Variants in TTN observed in about 807,000 individuals in gnomAD.
TTN encodes the protein titin.
A neutral mutation model predicts 3,223.0 loss-of-function variants in TTN; 1,525 were observed. That is an observed-to-expected ratio of 0.47 (90% confidence interval 0.45 to 0.49). TTN has a LOEUF of 0.49. Ranked by LOEUF, TTN falls within the 20% of genes least tolerant of loss-of-function variation. The pLI, the probability that TTN is intolerant of heterozygous loss-of-function variation, is 0.00. For synonymous variants in TTN, 14,094 were observed against 15,161.0 expected (o/e 0.93, Z 5.17); for missense variants, 40,786 against 43,424.0 (o/e 0.94, Z 5.40).
rs1691356141 is a variant in TTN, at chr2:178,536,026, T to C, written c.100721A>G (p.Asn33574Ser). 1.3e-6 allele frequency: 2 copies of C among 1,573,196 alleles called. No homozygotes were observed. Among genetic ancestry groups the C allele is most frequent in the East Asian group, 2.2e-5 (1 of 44,500 alleles). Reference protein sequence around the residue: ...DATVYQVRATNQGGSVSGTAS... With the variant: ...DATVYQVRATSQGGSVSGTAS... The stretch of plus-strand genomic sequence containing the variant: ...AGTGCCAGACACAGATCCCCCTTGG[T>C]TGGTAGCTCTGACTTGGTAAACTGT... The change falls in exon 357 of 363, where the codon AAC becomes AGC. Residue 33574 changes from asparagine (N) to serine (S), a missense_variant. Physicochemically the swap from Asn to Ser is conservative, Grantham distance 46. Transcript: ENST00000589042.
chr2:178,541,477 A>G lies in TTN; in HGVS notation c.97600T>C (p.Tyr32534His). Residue 32534 changes from tyrosine (Y) to histidine (H), a missense_variant, in exon 350 of 363, where the codon TAT becomes CAT. By Grantham distance (83) the Tyr-to-His change is moderately conservative. Transcript: ENST00000589042. Reference sequence around the variant, plus strand: ...CTCACTTCTTTGCGCTCCACAATATATCCAGTCACTTGGGAGCCACCGTCA... The same window carrying G: ...CTCACTTCTTTGCGCTCCACAATATGTCCAGTCACTTGGGAGCCACCGTCA... ...EDDGGSQVTGYIVERKEVRAD... is the reference protein window; with the variant it reads ...EDDGGSQVTGHIVERKEVRAD... 2 of 1,613,426 alleles carry G rather than the reference A, an allele frequency of 1.2e-6. No homozygotes were observed. The highest frequency in any genetic ancestry group is 8.5e-7 in the Non-Finnish European group (1 of 1,179,590).
In TTN at chr2:178,607,837, T is replaced by C. The variant is rs774191524; in HGVS notation, c.52950A>G (p.Ala17650=). ...YKLRVSAVNA[A]GEGPPGETQP... is the part of the protein sequence containing the mutation. ...GTGTTTCTCCAGGCGGTCCTTCCCC[T>C]GCGGCATTGACAGCACTCACCCGAA... Residue 17650 remains alanine (A), a synonymous_variant, in exon 276 of 363, where the codon GCA becomes GCG. Coordinates refer to ENST00000589042, the MANE Select transcript of TTN (RefSeq NM_001267550.2). 3 of 1,613,056 alleles carry C rather than the reference T, an allele frequency of 1.9e-6. No homozygotes were observed. Among genetic ancestry groups the C allele is most frequent in the Admixed American group, 3.3e-5 (2 of 59,968 alleles).
At chr2:178,720,332 G>T in intron 80 of TTN, 53 bp downstream of exon 80, 1 of 1,591,792 alleles carries the variant, frequency 6.3e-7, no homozygotes, top group Non-Finnish European at 8.6e-7. Context: ...TATTAGTTAG[G>T]CAAGAACAGA....
intron 283 of TTN, 61 bp from the exon 284 acceptor site, chr2:178,602,211 A>C: frequency 6.3e-7 from 1 of 1,596,098 alleles, no homozygotes; most frequent in Non-Finnish European, 8.5e-7. Context: ...TAATTGAAAT[A>C]TCTTCAGTAA....
In TTN at chr2:178,543,131, T is replaced by C. The variant is rs1304722341; in HGVS notation, c.96842A>G (p.Asn32281Ser). ...EQYLFRIRAQ[N>S]EKGVSEPRET... The stretch of plus-strand genomic sequence containing the variant: ...TCTTGGTTCTGACACACCTTTCTCA[T>C]TTTGTGCCCTTATTCTAAATAAGTA... The change falls in exon 347 of 363, where the codon AAT becomes AGT. Residue 32281 changes from asparagine to serine, a missense_variant. Physicochemically the swap from Asn to Ser is conservative, Grantham distance 46. Transcript: ENST00000589042. 6.2e-7 allele frequency: 1 copy of C among 1,611,850 alleles called. No individual in the cohort carries two copies. Among genetic ancestry groups the C allele is most frequent in the South Asian group, 1.1e-5 (1 of 91,022 alleles).
In TTN at chr2:178,543,972, G is replaced by A. The variant is rs201463708; in HGVS notation, c.96172C>T (p.Arg32058Trp). The A allele has an allele frequency of 2.2e-5, 36 of 1,613,456 alleles. No individual in the cohort carries two copies. Among genetic ancestry groups the A allele is most frequent in the African/African-American group, 1.5e-4 (11 of 74,820 alleles). ...WSKQGIDLAS[R>W]AIIDTTESYS... Reference sequence around the variant, plus strand: ...CTCTCAGTGGTGTCAATAATTGCCCGGCTTGCAAGGTCAATGCCCTGCTTG... The same window carrying A: ...CTCTCAGTGGTGTCAATAATTGCCCAGCTTGCAAGGTCAATGCCCTGCTTG... The change falls in exon 346 of 363, where the codon CGG becomes TGG. Residue 32058 changes from arginine (R) to tryptophan (W), a missense_variant. Physicochemically the swap from Arg to Trp is moderately radical, Grantham distance 101. Coordinates refer to ENST00000589042, the MANE Select transcript of TTN (RefSeq NM_001267550.2).
chr2:178,652,013 G>A, intron 204 of TTN, 46 bp from the exon 205 acceptor site: 1 of 1,611,038 alleles, frequency 6.2e-7, no homozygotes, highest in Non-Finnish European at 8.5e-7. Flanking sequence ...GACTAAAACT[G>A]AGATAGTTTG....
At chr2:178,788,476 T>A (rs1342480469) in intron 13 of TTN, among the ~76,000 whole-genome samples, 1 of 152,084 alleles carries the variant, frequency 6.6e-6, no homozygotes, top group African/African-American at 2.4e-5. Context: ...AATGTTAGAT[T>A]TGAGTAAAGG....
Position 178,776,851 on chromosome 2 carries a change from C to G in TTN, c.5013G>C (p.Glu1671Asp), listed in dbSNP as rs2092280272. 6.2e-7 allele frequency: 1 copy of G among 1,613,818 alleles called. No homozygotes were observed. Among genetic ancestry groups the G allele is most frequent in the Non-Finnish European group, 8.5e-7 (1 of 1,179,998 alleles). The change falls in exon 28 of 363, where the codon GAG becomes GAC. Residue 1671 changes from glutamate to aspartate, a missense_variant. Glu to Asp is a conservative substitution (Grantham distance 45). Transcript: ENST00000589042. ...GGGGCTCCAGTTCTGGGGCTGCAAT[C>G]TCCTTTGCTCTATATGTCCCCCGTG... is the stretch of plus-strand genomic sequence containing the variant. Reference protein sequence around the residue: ...IIPRGTYRAKEIAAPELEPLH... With the variant: ...IIPRGTYRAKDIAAPELEPLH...
chr2:178,639,853 C>A, intron 222 of TTN, 65 bp from the exon 223 acceptor site: 3 of 1,476,230 alleles, frequency 2.0e-6, no homozygotes, highest in Non-Finnish European at 2.7e-6. Context: ...TATTTGGTAG[C>A]TTATTTGCCT....
At position 178,569,211 on chromosome 2, in the gene TTN, G is replaced by A. The variant is rs549745098; in HGVS notation, c.76921C>T (p.Arg25641Cys). The change falls in exon 326 of 363, where the codon CGT becomes TGT. Residue 25641 changes from arginine (R) to cysteine (C), a missense_variant. Arg to Cys is a radical substitution (Grantham distance 180). Transcript: ENST00000589042. Reference sequence around the variant, plus strand: ...GCATATGATTTTCTTGTGGCTTCACGTTTCTCAACAATGTAATTTTTTATT... The same window carrying A: ...GCATATGATTTTCTTGTGGCTTCACATTTCTCAACAATGTAATTTTTTATT... ...SKIKNYIVEKREATRKSYAAV... is the reference protein window; with the variant it reads ...SKIKNYIVEKCEATRKSYAAV... 11 of 1,607,328 alleles carry A rather than the reference G, an allele frequency of 6.8e-6. No individual in the cohort carries two copies. In the East Asian group the frequency reaches 8.9e-5, roughly 13 times the overall value.
In TTN at chr2:178,541,595, A is replaced by G. The variant is rs1053124595; in HGVS notation, c.97493-11T>C. 8.1e-6 allele frequency: 13 copies of G among 1,597,460 alleles called. No homozygotes were observed. Among genetic ancestry groups the G allele is most frequent in the Non-Finnish European group, 9.4e-6 (11 of 1,170,452 alleles). On this transcript the variant is annotated splice_polypyrimidine_tract_variant and intron_variant, in intron 349 of 362. Coordinates refer to ENST00000589042, the MANE Select transcript of TTN (RefSeq NM_001267550.2). ...GGGGTCCAGGAATACCTGCAGCAAGACAGAGGTTAACACGATATGGCAATA... is the reference window on the plus strand; with the variant it reads ...GGGGTCCAGGAATACCTGCAGCAAGGCAGAGGTTAACACGATATGGCAATA...
In TTN at chr2:178,570,947, A is replaced by G. The variant is rs1010492126; in HGVS notation, c.75185T>C (p.Ile25062Thr). The G allele has an allele frequency of 1.9e-6, 3 of 1,613,584 alleles. No individual in the cohort carries two copies. Among genetic ancestry groups the G allele is most frequent in the South Asian group, 2.2e-5 (2 of 91,080 alleles). Residue 25062 changes from isoleucine to threonine, a missense_variant, in exon 326 of 363, where the codon ATT becomes ACT. Transcript: ENST00000589042. ...RWMKASFTNI[I>T]DTHFEVTGLV... ...GCCAGTTACTTCAAAATGAGTGTCA[A>G]TAATATTTGTAAAACTGGCTTTCAT...
In TTN at chr2:178,740,303, TG is replaced by T; in HGVS notation, c.12929del (p.Pro4310HisfsTer19). 6.2e-7 allele frequency: 1 copy of T among 1,613,730 alleles called. No homozygotes were observed. Among genetic ancestry groups the T allele is most frequent in the Non-Finnish European group, 8.5e-7 (1 of 1,179,802 alleles). On this transcript the variant is annotated frameshift_variant, in exon 48 of 363. Coordinates refer to ENST00000589042, the MANE Select transcript of TTN (RefSeq NM_001267550.2). LOFTEE classifies it high-confidence loss of function. The part of the protein sequence containing the change: ...GGKILIESAN[P>X]LENAGQDSAV... ...CAGAATCTTGCCCTGCATTTTCCAG[TG>T]GATTTGCACTTTCTATCAAAATTTT... is the stretch of plus-strand genomic sequence containing the variant.
At chr2:178,615,020 T>C in intron 259 of TTN, 52 bp from the exon 260 acceptor site, 3 of 1,475,202 alleles carry the variant, frequency 2.0e-6, no homozygotes, top group South Asian at 1.2e-5. Flanking sequence ...AATCGTTTCA[T>C]TGTGTAGTAC....
At position 178,561,775 on chromosome 2, in the gene TTN, C is replaced by G; in HGVS notation, c.84357G>C (p.Leu28119=). Residue 28119 remains leucine (L), a synonymous_variant, in exon 326 of 363, where the codon CTG becomes CTC. Coordinates refer to ENST00000589042, the MANE Select transcript of TTN (RefSeq NM_001267550.2). Reference sequence around the variant, plus strand: ...GGAACTGATACTCACTTCCTGTTGTCAGGCGAACTATTTTAATGGATGTTC... The same window carrying G: ...GGAACTGATACTCACTTCCTGTTGTGAGGCGAACTATTTTAATGGATGTTC... The part of the protein sequence containing the change: ...VARTSIKIVR[L]TTGSEYQFRV... 1.2e-6 allele frequency: 2 copies of G among 1,613,632 alleles called. No individual in the cohort carries two copies. The highest frequency in any genetic ancestry group is 1.7e-6 in the Non-Finnish European group (2 of 1,179,738).
rs200724395 is a variant in TTN at position 178,560,156 on chromosome 2, T to C, written c.85976A>G (p.Lys28659Arg). The change falls in exon 326 of 363, where the codon AAA becomes AGA. Residue 28659 changes from lysine (K) to arginine (R), a missense_variant. Lys to Arg is a conservative substitution (Grantham distance 26). Transcript: ENST00000589042. ...VFLPSPPSKP[K>R]IVDSGKTTIT... Reference sequence around the variant, plus strand: ...AGTTGTCTTGCCTGAGTCCACAATTTTGGGTTTGGATGGAGGAGATGGTAG... The same window carrying C: ...AGTTGTCTTGCCTGAGTCCACAATTCTGGGTTTGGATGGAGGAGATGGTAG... 5.6e-6 allele frequency: 9 copies of C among 1,613,554 alleles called. No homozygotes were observed. The East Asian group carries it at 1.6e-4, about 28-fold the overall frequency.
At position 178,721,980 on chromosome 2, in the gene TTN, A is replaced by G. The variant is rs532700134; in HGVS notation, c.22683T>C (p.Tyr7561=). 4.3e-5 allele frequency: 69 copies of G among 1,613,612 alleles called. 1 individual carries two copies. The South Asian group carries it at 7.5e-4, about 17-fold the overall frequency. Residue 7561 remains tyrosine (Y), a synonymous_variant, in exon 78 of 363, where the codon TAT becomes TAC. Coordinates refer to ENST00000589042, the MANE Select transcript of TTN (RefSeq NM_001267550.2). The part of the protein sequence containing the change: ...DNKEIRPGGN[Y]TITCVGNTPH... ...GAGTGTTTCCCACACATGTGATTGT[A>G]TAGTTTCCTCCAGGACGGATCTCCT... is the stretch of plus-strand genomic sequence containing the variant.
chr2:178,720,164 A>G lies in TTN; in HGVS notation c.23478T>C (p.Val7826=). 1 of 1,613,810 alleles carries G rather than the reference A, an allele frequency of 6.2e-7. No homozygotes were observed. The highest frequency in any genetic ancestry group is 8.5e-7 in the Non-Finnish European group (1 of 1,179,740). The part of the protein sequence containing the change: ...AIVEGFQPIS[V]VWLKDRGEVI... ...CTTCACCTCTATCTTTCAGCCAGACAACAGAAATTGGCTGGAAGCCCTCCA... is the reference window on the plus strand; with the variant it reads ...CTTCACCTCTATCTTTCAGCCAGACGACAGAAATTGGCTGGAAGCCCTCCA... Residue 7826 remains valine, a synonymous_variant, in exon 81 of 363, where the codon GTT becomes GTC. Transcript: ENST00000589042.
Sources: allele counts gnomAD v4.1 joint callset (sites outside exome capture counted in the v4.1 genomes callset), GRCh38; gene constraint gnomAD v4.1.1; transcripts MANE v1.5; gene names NCBI Gene and HGNC (gene_info 2026-07-23, HGNC 2026-07-21).